The following DGKB variants were observed in gnomAD, a reference collection of about 807,000 sequenced individuals.
DGKB encodes diacylglycerol kinase beta.
A neutral mutation model predicts 114.3 loss-of-function variants in DGKB; 67 were observed. The ratio of observed to expected loss-of-function variants is 0.59; its 90% CI spans 0.48 to 0.72. The LOEUF (loss-of-function observed/expected upper bound fraction) is 0.72. Ranked by LOEUF, DGKB falls within the 30% of genes least tolerant of loss-of-function variation. The pLI, the probability that DGKB is intolerant of heterozygous loss-of-function variation, is 0.00. For synonymous variants in DGKB, 398 were observed against 323.1 expected (o/e 1.23, Z -2.49); for missense variants, 907 against 975.2 (o/e 0.93, Z 0.93).
chr7:14,610,895 T>C (rs1016740523), intron 16 of DGKB, among the ~76,000 whole-genome samples: 1 of 152,136 alleles, frequency 6.6e-6, no homozygotes, highest in Non-Finnish European at 1.5e-5. Context: ...TATACTGTTG[T>C]CTAAGTACAG....
chr7:14,276,451 A>G (rs534279050), intron 23 of DGKB, among the ~76,000 whole-genome samples: 1 of 152,278 alleles, frequency 6.6e-6, no homozygotes, highest in South Asian at 2.1e-4. Flanking sequence ...TTGCCATCAT[A>G]TTTTTAAAAA....
intron 20 of DGKB, among the ~76,000 whole-genome samples, chr7:14,497,029 T>C (rs1352604335): frequency 6.6e-6 from 1 of 151,886 alleles, no homozygotes; most frequent in African/African-American, 2.4e-5. Flanking sequence ...AAATAATGTC[T>C]TTTGCAGCAA....
chr7:14,261,068 G>T (rs905332513), intron 23 of DGKB, among the ~76,000 whole-genome samples: 161 of 152,158 alleles, frequency 1.1e-3, no homozygotes, highest in African/African-American at 3.6e-3. Flanking sequence ...TTACAATATG[G>T]AGAATATAAG....
intron 6 of DGKB, among the ~76,000 whole-genome samples, chr7:14,711,514 A>G (rs371129273): frequency 1.3e-5 from 2 of 152,182 alleles, no homozygotes; most frequent in East Asian, 3.9e-4. Flanking sequence ...CACTATAGTA[A>G]CAGTAAGAGA....
intron 12 of DGKB, among the ~76,000 whole-genome samples, chr7:14,680,580 G>GA (rs1820652153): frequency 6.6e-6 from 1 of 151,440 alleles, no homozygotes; most frequent in Non-Finnish European, 1.5e-5. Context: ...AAAACAATGA[G>GA]AAAAACAAAA....
At chr7:14,873,443 T>C (rs555753265) in intron 1 of DGKB, among the ~76,000 whole-genome samples, 3 of 152,188 alleles carry the variant, frequency 2.0e-5, no homozygotes, top group African/African-American at 7.2e-5. Flanking sequence ...AGAGTAAAGA[T>C]ATAAGGCAGG....
At chr7:14,458,976 A>T (rs546813213) in intron 21 of DGKB, among the ~76,000 whole-genome samples, 129 of 152,326 alleles carry the variant, frequency 8.5e-4, no homozygotes, top group African/African-American at 3.0e-3. Flanking sequence ...CTGTCAGCAC[A>T]GCAGTCTGAA....
intron 13 of DGKB, among the ~76,000 whole-genome samples, chr7:14,657,003 T>C (rs1208836879): frequency 6.6e-6 from 1 of 151,684 alleles, no homozygotes; most frequent in East Asian, 1.9e-4. Context: ...TCTGAGACAA[T>C]GTAACAGATA....
At chr7:14,941,071 T>C (rs1241430844) in intron 1 of DGKB, among the ~76,000 whole-genome samples, 2 of 151,782 alleles carry the variant, frequency 1.3e-5, no homozygotes, top group East Asian at 1.9e-4. Context: ...AAATACTAGA[T>C]GTGAGGAAGA....
At chr7:14,583,245 A>T (rs3795245) in intron 17 of DGKB, 108 bp from the exon 18 acceptor site, 232,897 of 605,042 alleles carry the variant, frequency 0.38, 47,616 homozygotes, top group East Asian at 0.69. Flanking sequence ...TATTTTATAA[A>T]AACTGTAAAA....
At chr7:14,871,555 G>C (rs552083903) in intron 1 of DGKB, among the ~76,000 whole-genome samples, 2 of 152,086 alleles carry the variant, frequency 1.3e-5, no homozygotes, top group African/African-American at 4.8e-5. Context: ...CTCTGGTATG[G>C]GGATGCTAAT....
At chr7:14,788,523 T>A (rs1840209544) in intron 2 of DGKB, among the ~76,000 whole-genome samples, 1 of 152,152 alleles carries the variant, frequency 6.6e-6, no homozygotes, top group South Asian at 2.1e-4. Flanking sequence ...ACACCTTTTT[T>A]AACTGAGCTT....
In DGKB at chr7:14,580,941, A is replaced by C. The variant is rs768189967; in HGVS notation, c.1530T>G (p.Asn510Lys). 6.2e-7 allele frequency: 1 copy of C among 1,600,086 alleles called. No homozygotes were observed. The highest frequency in any genetic ancestry group is 1.3e-5 in the African/African-American group (1 of 74,778). ...TCGCAACTGGAGGATGCTTGCCTAC[A>C]TTGGCCTTTTCTGCAGAATAAAAAA... The part of the protein sequence containing the change: ...GWVLDCIEKA[N>K]VGKHPPVAIL... The change falls in exon 19 of 26, where the codon AAT becomes AAG. Residue 510 changes from asparagine (N) to lysine (K), a missense_variant. This residue lies in a region of DGKB where 814 missense variants were observed against 856.6 expected (regional missense o/e 0.95). Transcript: ENST00000402815.
At chr7:14,195,629 A>C (rs1301745212) in intron 23 of DGKB, among the ~76,000 whole-genome samples, 1 of 152,202 alleles carries the variant, frequency 6.6e-6, no homozygotes, top group Non-Finnish European at 1.5e-5. Flanking sequence ...ATAAACTATA[A>C]TGAGATGTTT....
chr7:14,581,573 G>A (rs1234711030), intron 18 of DGKB, among the ~76,000 whole-genome samples: 4 of 152,162 alleles, frequency 2.6e-5, no homozygotes, highest in Non-Finnish European at 4.4e-5. Flanking sequence ...GTTCAGAGCA[G>A]TAAAGATCTC....
chr7:14,543,441 T>C lies in DGKB; in HGVS notation c.1770+30771A>G, dbSNP rs1216673449. On this transcript the variant is annotated intron_variant, in intron 20 of 25. Transcript: ENST00000402815. The stretch of plus-strand genomic sequence containing the variant: ...GCGTGGACGACAGAGTGACACCCCA[T>C]CTCAAAAAAAACAAAAACAAAAAAA... Among the ~76,000 whole-genome samples the C allele has an allele frequency of 3.3e-5, 5 of 150,508 alleles. No individual in the cohort carries two copies. In the East Asian group the frequency reaches 7.8e-4, roughly 24 times the overall value.
chr7:14,930,659 A>G (rs1784969238), intron 1 of DGKB, among the ~76,000 whole-genome samples: 1 of 152,154 alleles, frequency 6.6e-6, no homozygotes, highest in African/African-American at 2.4e-5. Context: ...AAACAGGGAT[A>G]GGTTCTCTTC....
intron 20 of DGKB, among the ~76,000 whole-genome samples, chr7:14,567,731 C>T (rs887878856): frequency 6.7e-6 from 1 of 150,112 alleles, no homozygotes; most frequent in Non-Finnish European, 1.5e-5. Flanking sequence ...CTCAGCCTCC[C>T]AAGTAGCTGG....
intron 1 of DGKB, among the ~76,000 whole-genome samples, chr7:14,885,987 C>G (rs1320572516): frequency 6.6e-6 from 1 of 151,546 alleles, no homozygotes; most frequent in Non-Finnish European, 1.5e-5. Context: ...TTATTTTGAG[C>G]AAGAACATGG....
Sources: gnomAD v4.1 joint callset for allele counts (sites outside exome capture counted in the v4.1 genomes callset) on GRCh38, gnomAD v4.1.1 for gene constraint, gnomAD v4.1.1 regional missense constraint, MANE v1.5 for transcripts, NCBI Gene and HGNC (gene_info 2026-07-23, HGNC 2026-07-21) for gene names.